CNIH3: variants seen among roughly 807,000 people sequenced by gnomAD.
CNIH3 encodes the protein cornichon family AMPA receptor auxiliary protein 3, also known as protein cornichon homolog 3.
Under a neutral mutation model 24.1 loss-of-function variants are expected in CNIH3, and 14 were observed. The observed-to-expected ratio is 0.58, with a 90% CI of 0.38 to 0.91. CNIH3 has a LOEUF of 0.91. Among genes scored for constraint, CNIH3 ranks in the 40% least tolerant of loss-of-function variants. The pLI is 0.00. For missense variants in CNIH3, 178 were observed against 196.8 expected (o/e 0.90, Z 0.57); for synonymous variants, 68 against 73.8 (o/e 0.92, Z 0.40).
downstream of CNIH3, among the ~76,000 whole-genome samples, chr1:224,588,963 C>T (rs1287740689): frequency 2.3e-5 from 2 of 86,640 alleles, no homozygotes; most frequent in South Asian, 1.0e-3. Flanking sequence ...TCTTCCTGAC[C>T]CCCTGTTTTT....
At chr1:224,515,587 G>T (rs1426718041), upstream of CNIH3, among the ~76,000 whole-genome samples, 1 of 152,160 alleles carries the variant, frequency 6.6e-6, no homozygotes, top group Non-Finnish European at 1.5e-5. Context: ...AACTTGTCAG[G>T]TCTGCCTCTT....
intron 1 of CNIH3, among the ~76,000 whole-genome samples, chr1:224,510,783 T>C (rs1474511434): frequency 6.6e-6 from 1 of 152,032 alleles, no homozygotes; most frequent in African/African-American, 2.4e-5. Context: ...CAAAGGGGGT[T>C]CTGGAGCACA....
intron 1 of CNIH3, among the ~76,000 whole-genome samples, chr1:224,651,038 AAG>A (rs1684833446): frequency 2.0e-5 from 3 of 151,018 alleles, no homozygotes. Flanking sequence ...GCTGGAGTGA[AAG>A]TGAGAAACAG....
intron 3 of CNIH3, among the ~76,000 whole-genome samples, chr1:224,552,348 T>C (rs1022594768): frequency 7.9e-5 from 12 of 151,648 alleles, no homozygotes; most frequent in Admixed American, 2.0e-4. Flanking sequence ...AATCCTAATA[T>C]CACAGGGTTT....
chr1:224,560,893 A>T (rs2124983067), intron 3 of CNIH3, among the ~76,000 whole-genome samples: 1 of 152,314 alleles, frequency 6.6e-6, no homozygotes, highest in Non-Finnish European at 1.5e-5. Flanking sequence ...GGTGCCAAAA[A>T]GTTTGGAGAC....
intron 1 of CNIH3, among the ~76,000 whole-genome samples, chr1:224,633,993 C>T (rs1458152538): frequency 2.0e-5 from 3 of 152,246 alleles, no homozygotes. Flanking sequence ...TCTTATTTCT[C>T]TTCCTTCTCA....
chr1:224,531,280 T>C (rs1394658804), intron 2 of CNIH3, among the ~76,000 whole-genome samples: 9 of 152,172 alleles, frequency 5.9e-5, no homozygotes, highest in Non-Finnish European at 1.0e-4. Context: ...CCTGCCCTCA[T>C]GAAGCCTGGA....
intron 1 of CNIH3, among the ~76,000 whole-genome samples, chr1:224,628,773 G>A (rs1041536528): frequency 6.6e-6 from 1 of 152,070 alleles, no homozygotes; most frequent in Non-Finnish European, 1.5e-5. Context: ...GGTGGGACAT[G>A]TGTCATTATG....
chr1:224,561,801 C>T (rs184687963), intron 3 of CNIH3, among the ~76,000 whole-genome samples: 1 of 152,292 alleles, frequency 6.6e-6, no homozygotes, highest in African/African-American at 2.4e-5. Context: ...ATGTTAACAT[C>T]AGCTTATTGG....
At chr1:224,688,110 C>T (rs1421214069) in intron 3 of CNIH3, among the ~76,000 whole-genome samples, 2 of 152,078 alleles carry the variant, frequency 1.3e-5, no homozygotes, top group East Asian at 1.9e-4. Context: ...AAGCAGTAAG[C>T]GGCTATAAGG....
intron 1 of CNIH3, among the ~76,000 whole-genome samples, chr1:224,448,544 C>T (rs975924896): frequency 7.9e-5 from 12 of 152,178 alleles, no homozygotes; most frequent in African/African-American, 2.9e-4. Context: ...TAAGTGGGAT[C>T]ATGACTTCTG....
At chr1:224,457,270 T>G (rs1325068679) in intron 1 of CNIH3, among the ~76,000 whole-genome samples, 1 of 75,668 alleles carries the variant, frequency 1.3e-5, no homozygotes. Context: ...CCCTCCTCTC[T>G]CTCTCTGTGT....
intron 1 of CNIH3, among the ~76,000 whole-genome samples, chr1:224,663,380 A>G (rs1406726539): frequency 6.6e-6 from 1 of 152,172 alleles, no homozygotes; most frequent in African/African-American, 2.4e-5. Context: ...CACAATCACC[A>G]ATACACAATC....
chr1:224,515,684 A>C (rs1678351712), upstream of CNIH3: 1 of 152,238 alleles, frequency 6.6e-6, no homozygotes. Context: ...CACTTTGGGG[A>C]TAGTTAAACA....
At chr1:224,535,522 A>G (rs187848618) in intron 2 of CNIH3, among the ~76,000 whole-genome samples, 81 of 152,312 alleles carry the variant, frequency 5.3e-4, no homozygotes, top group African/African-American at 1.9e-3. Flanking sequence ...TCATTTTCTA[A>G]TGTTACTGTA....
At chr1:224,550,090 T>G (rs1466481505) in intron 3 of CNIH3, among the ~76,000 whole-genome samples, 1 of 152,098 alleles carries the variant, frequency 6.6e-6, no homozygotes, top group Non-Finnish European at 1.5e-5. Context: ...GTGTGACAAC[T>G]GTAGATATTA....
chr1:224,579,597 A>G (rs549850564), intron 4 of CNIH3, among the ~76,000 whole-genome samples: 73 of 152,164 alleles, frequency 4.8e-4, no homozygotes, highest in Non-Finnish European at 8.1e-4. Flanking sequence ...CTCATGCTGA[A>G]ATTTGATCAC....
intron 1 of CNIH3, among the ~76,000 whole-genome samples, chr1:224,647,942 G>T (rs940607491): frequency 1.3e-5 from 2 of 152,182 alleles, no homozygotes; most frequent in African/African-American, 4.8e-5. Flanking sequence ...TCTATCTTAG[G>T]GTACTGGTTA....
At chr1:224,447,793 T>A (rs1257665067) in intron 1 of CNIH3, among the ~76,000 whole-genome samples, 1 of 152,224 alleles carries the variant, frequency 6.6e-6, no homozygotes, top group Non-Finnish European at 1.5e-5. Flanking sequence ...CTGCTCTGCT[T>A]TAGGCACTAT....
Sources: allele counts gnomAD v4.1 joint callset (sites outside exome capture counted in the v4.1 genomes callset), GRCh38; gene constraint gnomAD v4.1.1; transcripts MANE v1.5; gene names NCBI Gene and HGNC (gene_info 2026-07-23, HGNC 2026-07-21).